TMEM132C: variants seen among roughly 807,000 people sequenced by gnomAD.
TMEM132C encodes protein phosphatase 1, regulatory subunit 152.
In TMEM132C, 29 loss-of-function variants were observed where a neutral mutation model predicts 61.4. The ratio of observed to expected loss-of-function variants is 0.47; its 90% CI spans 0.35 to 0.64. The LOEUF (loss-of-function observed/expected upper bound fraction) is 0.64. Ranked by LOEUF, TMEM132C falls within the 30% of genes least tolerant of loss-of-function variation. The pLI, the probability that TMEM132C is intolerant of heterozygous loss-of-function variation, is 0.00. For missense variants in TMEM132C, 1,408 were observed against 1,476.9 expected (o/e 0.95, Z 0.76); for synonymous variants, 656 against 633.1 (o/e 1.04, Z -0.54).
chr12:128,425,100 T>A (rs1364117764), intron 2 of TMEM132C, among the ~76,000 whole-genome samples: 1 of 152,096 alleles, frequency 6.6e-6, no homozygotes, highest in Non-Finnish European at 1.5e-5. Flanking sequence ...GGAGAGGTAG[T>A]GGTAAGAGGA....
At chr12:128,559,174 C>G (rs1165460471) in intron 3 of TMEM132C, among the ~76,000 whole-genome samples, 9 of 151,442 alleles carry the variant, frequency 5.9e-5, no homozygotes, top group African/African-American at 2.2e-4. Flanking sequence ...CAAACACACA[C>G]ACAGACACAC....
rs1262939280 is a variant in TMEM132C, at chr12:128,533,343, G to A, written c.975-10614G>A. ...CCTCCTCCTGAGGGCCAGGCCAGGGGTGGGCTGCTTTCTTATTGCTTGCTT... is the reference window on the plus strand; with the variant it reads ...CCTCCTCCTGAGGGCCAGGCCAGGGATGGGCTGCTTTCTTATTGCTTGCTT... On this transcript the variant is annotated intron_variant, in intron 2 of 8. Transcript: ENST00000435159. 5.3e-5 allele frequency among the ~76,000 whole-genome samples: 8 copies of A among 152,304 alleles called. No homozygotes were observed. In the East Asian group the frequency reaches 9.7e-4, roughly 18 times the overall value.
chr12:128,639,993 T>C (rs1413203168), intron 4 of TMEM132C, among the ~76,000 whole-genome samples: 1 of 152,186 alleles, frequency 6.6e-6, no homozygotes, highest in Admixed American at 6.5e-5. Flanking sequence ...TAAATCCAGA[T>C]TCCTGACTTA....
At chr12:128,592,567 C>T (rs181439866) in intron 3 of TMEM132C, among the ~76,000 whole-genome samples, 3 of 152,208 alleles carry the variant, frequency 2.0e-5, no homozygotes, top group African/African-American at 4.8e-5. Flanking sequence ...AGATAAAGAA[C>T]GACTTCCTGG....
intron 1 of TMEM132C, among the ~76,000 whole-genome samples, chr12:128,306,672 G>T (rs1040436722): frequency 3.9e-5 from 6 of 152,116 alleles, no homozygotes; most frequent in Admixed American, 1.3e-4. Flanking sequence ...GTTTTTTGAA[G>T]ACTTCAAGAA....
chr12:128,585,739 C>T (rs546094319), intron 3 of TMEM132C, among the ~76,000 whole-genome samples: 90 of 152,300 alleles, frequency 5.9e-4, no homozygotes, highest in African/African-American at 1.9e-3. Context: ...AGGGAGGCCA[C>T]GGCATGGAAG....
intron 1 of TMEM132C, among the ~76,000 whole-genome samples, chr12:128,394,907 C>CA (rs59086773): frequency 0.046 from 6,146 of 132,240 alleles, 399 homozygotes; most frequent in East Asian, 0.24. Context: ...CCTTATTTTC[C>CA]AAAAAAAAAA....
At chr12:128,320,251 T>A (rs1392863178) in intron 1 of TMEM132C, among the ~76,000 whole-genome samples, 1 of 152,204 alleles carries the variant, frequency 6.6e-6, no homozygotes, top group Non-Finnish European at 1.5e-5. Context: ...CCTGTAAACT[T>A]TCTTTTTCTT....
intron 3 of TMEM132C, among the ~76,000 whole-genome samples, chr12:128,590,333 G>T (rs1322948886): frequency 6.6e-6 from 1 of 152,186 alleles, no homozygotes; most frequent in East Asian, 1.9e-4. Flanking sequence ...ATGTATACTC[G>T]AAAGTTAGCA....
intron 2 of TMEM132C, among the ~76,000 whole-genome samples, chr12:128,428,388 A>C (rs1281040952): frequency 6.6e-6 from 1 of 152,132 alleles, no homozygotes; most frequent in East Asian, 1.9e-4. Flanking sequence ...TGGTCACCCC[A>C]AGGGTTCCCA....
In TMEM132C at chr12:128,551,211, C is replaced by A. The variant is rs111939899; in HGVS notation, c.1121+7108C>A. ...CTGAGACTCTCAGAAACATAAGAGC[C>A]CCCCCCCTCCCGCTTCCTCCCCTGG... On this transcript the variant is annotated intron_variant, in intron 3 of 8. Coordinates refer to ENST00000435159, the MANE Select transcript of TMEM132C (RefSeq NM_001136103.3). Among the ~76,000 whole-genome samples, 529 of 149,258 alleles carry A rather than the reference C, an allele frequency of 3.5e-3. 6 individuals carry two copies. The highest frequency in any genetic ancestry group is 0.012 in the African/African-American group (490 of 39,216).
chr12:128,568,419 C>T (rs1874770546), intron 3 of TMEM132C, among the ~76,000 whole-genome samples: 1 of 152,174 alleles, frequency 6.6e-6, no homozygotes, highest in East Asian at 1.9e-4. Context: ...ATACTGTCTC[C>T]AATATAGGAA....
chr12:128,614,646 A>T (rs1182251361), intron 3 of TMEM132C, among the ~76,000 whole-genome samples: 1 of 152,218 alleles, frequency 6.6e-6, no homozygotes, highest in Non-Finnish European at 1.5e-5. Flanking sequence ...TTTATCATCT[A>T]AAAAATGAAA....
intron 1 of TMEM132C, among the ~76,000 whole-genome samples, chr12:128,317,813 A>G (rs1472586655): frequency 6.6e-6 from 1 of 152,224 alleles, no homozygotes; most frequent in Non-Finnish European, 1.5e-5. Flanking sequence ...TGAACCTGGG[A>G]GGCAGAGGTT....
At chr12:128,367,661 C>T (rs986592540) in intron 1 of TMEM132C, among the ~76,000 whole-genome samples, 4 of 151,790 alleles carry the variant, frequency 2.6e-5, no homozygotes, top group African/African-American at 9.7e-5. Flanking sequence ...TACTTGTGAA[C>T]CCTTGAAATG....
At chr12:128,694,077 C>A (rs1252293243) in intron 6 of TMEM132C, 43 bp downstream of exon 6, 7 of 1,536,314 alleles carry the variant, frequency 4.6e-6, no homozygotes, top group African/African-American at 4.1e-5. Flanking sequence ...AAAACAACAA[C>A]TTTATTTACT....
intron 4 of TMEM132C, among the ~76,000 whole-genome samples, chr12:128,648,759 TGTGA>T (rs1204518623): frequency 9.9e-5 from 15 of 151,658 alleles, no homozygotes; most frequent in Admixed American, 9.8e-4. Context: ...TGGCGTTGGA[TGTGA>T]GTGTGTTTAG....
chr12:128,480,921 C>T (rs1459315949), intron 2 of TMEM132C, among the ~76,000 whole-genome samples: 2 of 152,206 alleles, frequency 1.3e-5, no homozygotes, highest in African/African-American at 4.8e-5. Context: ...TCCCTGTCAG[C>T]TCAGAGAGGG....
chr12:128,547,531 T>TCCAG (rs1413137307), intron 3 of TMEM132C, among the ~76,000 whole-genome samples: 1 of 135,804 alleles, frequency 7.4e-6, no homozygotes, highest in African/African-American at 2.9e-5. Flanking sequence ...ACCACCATAC[T>TCCAG]CCAGCCTGGG....
Sources: gnomAD v4.1 joint callset for allele counts (sites outside exome capture counted in the v4.1 genomes callset) on GRCh38, gnomAD v4.1.1 for gene constraint, MANE v1.5 for transcripts, NCBI Gene and HGNC (gene_info 2026-07-23, HGNC 2026-07-21) for gene names.